NR1H4: variants seen among roughly 807,000 people sequenced by gnomAD.
The protein encoded by NR1H4 is nuclear receptor subfamily 1 group H member 4.
In NR1H4, 23 loss-of-function variants were observed where a neutral mutation model predicts 58.5. The observed-to-expected ratio is 0.39, with a 90% CI of 0.28 to 0.56. NR1H4 has a LOEUF of 0.56. Among genes scored for constraint, NR1H4 ranks in the 20% least tolerant of loss-of-function variants. The pLI is 0.58. For missense variants in NR1H4, 487 were observed against 576.9 expected (o/e 0.84, Z 1.60); for synonymous variants, 214 against 198.0 (o/e 1.08, Z -0.68).
At chr12:100,528,815 C>T (rs534510172) in intron 4 of NR1H4, among the ~76,000 whole-genome samples, 32 of 152,260 alleles carry the variant, frequency 2.1e-4, no homozygotes, top group African/African-American at 7.7e-4. Context: ...AATGGTTCTA[C>T]GCACTGTTCC....
chr12:100,542,941 C>T (rs1954971575), intron 9 of NR1H4, among the ~76,000 whole-genome samples: 1 of 151,880 alleles, frequency 6.6e-6, no homozygotes, highest in Non-Finnish European at 1.5e-5. Context: ...AGAAATCAAG[C>T]ATGTTCTTTC....
chr12:100,554,449 C>T (rs1248351015), intron 9 of NR1H4, among the ~76,000 whole-genome samples: 2 of 151,364 alleles, frequency 1.3e-5, no homozygotes, highest in African/African-American at 2.4e-5. Flanking sequence ...TTCCCAATTA[C>T]GACTAGAAAG....
intron 1 of NR1H4, among the ~76,000 whole-genome samples, chr12:100,486,316 C>T (rs1024746545): frequency 6.6e-6 from 1 of 152,166 alleles, no homozygotes; most frequent in Non-Finnish European, 1.5e-5. Context: ...GCAATGATTC[C>T]TCTCTTCTAG....
At chr12:100,532,406 T>A in intron 4 of NR1H4, 52 bp from the exon 5 acceptor site, 1 of 1,601,860 alleles carries the variant, frequency 6.2e-7, no homozygotes, top group Admixed American at 1.7e-5. Context: ...CCTGTTTTTT[T>A]CCTGAGAAGC....
Position 100,540,812 on chromosome 12 carries a change from A to C in NR1H4, c.1072A>C (p.Asn358His), listed in dbSNP as rs149287629. 425 of 1,614,124 alleles carry C rather than the reference A, an allele frequency of 2.6e-4. 2 individuals carry two copies. Among genetic ancestry groups the C allele is most frequent in the Middle Eastern group, 2.1e-3 (13 of 6,062 alleles). Residue 358 changes from asparagine (N) to histidine (H), a missense_variant, in exon 9 of 11, where the codon AAT becomes CAT. Transcript: ENST00000392986. The stretch of plus-strand genomic sequence containing the variant: ...TGACCTATTGGAAGAAAGAATTCGA[A>C]ATAGTGGTAAGTGATTTGGCTAATG... ...HSDLLEERIR[N>H]SGISDEYITP...
intron 4 of NR1H4, among the ~76,000 whole-genome samples, chr12:100,519,381 G>T (rs1954354366): frequency 6.6e-6 from 1 of 152,084 alleles, no homozygotes. Flanking sequence ...GTGGGGCTGG[G>T]TGGGGCTTGG....
chr12:100,480,624 A>C (rs1953358593), intron 1 of NR1H4, among the ~76,000 whole-genome samples: 1 of 152,036 alleles, frequency 6.6e-6, no homozygotes, highest in Admixed American at 6.6e-5. Context: ...CCCAATCCCA[A>C]AGCCCAGGCC....
At chr12:100,561,255 G>A (rs901734611) in intron 9 of NR1H4, among the ~76,000 whole-genome samples, 1 of 152,082 alleles carries the variant, frequency 6.6e-6, no homozygotes, top group Non-Finnish European at 1.5e-5. Flanking sequence ...AAAATTAGCC[G>A]GGCGCGGTGG....
chr12:100,534,049 A>G (rs994902989), intron 5 of NR1H4, among the ~76,000 whole-genome samples: 31 of 151,992 alleles, frequency 2.0e-4, no homozygotes, highest in Non-Finnish European at 3.7e-4. Flanking sequence ...GGCGCCCGCC[A>G]CTGCGCCCGG....
At chr12:100,549,900 C>A (rs1054157467) in intron 9 of NR1H4, among the ~76,000 whole-genome samples, 19 of 152,166 alleles carry the variant, frequency 1.2e-4, no homozygotes, top group African/African-American at 4.6e-4. Context: ...CGCAAGATGA[C>A]CTTTCAGACT....
intron 1 of NR1H4, among the ~76,000 whole-genome samples, chr12:100,481,642 A>G (rs1953382993): frequency 6.6e-6 from 1 of 151,996 alleles, no homozygotes; most frequent in Non-Finnish European, 1.5e-5. Flanking sequence ...GGGGCTGGGC[A>G]CGGTGGCTCA....
intron 1 of NR1H4, among the ~76,000 whole-genome samples, chr12:100,491,348 T>C (rs866654698): frequency 1.9e-4 from 29 of 151,882 alleles, no homozygotes; most frequent in Non-Finnish European, 2.5e-4. Context: ...CTGTGATATA[T>C]GGCATAGTTG....
chr12:100,532,654 G>A (rs776712672), intron 5 of NR1H4, 44 bp downstream of exon 5: 1 of 1,573,998 alleles, frequency 6.4e-7, no homozygotes, highest in Non-Finnish European at 8.7e-7. Flanking sequence ...ATCTCTTAAG[G>A]AGGCAGATGT....
intron 1 of NR1H4, among the ~76,000 whole-genome samples, chr12:100,486,822 C>G (rs1490924985): frequency 1.3e-5 from 2 of 150,444 alleles, no homozygotes; most frequent in African/African-American, 4.9e-5. Context: ...AAAAAAAAAT[C>G]CACCTTGTAC....
chr12:100,535,631 C>A (rs767642246), intron 6 of NR1H4, among the ~76,000 whole-genome samples: 99 of 152,328 alleles, frequency 6.5e-4, no homozygotes, highest in Non-Finnish European at 1.1e-3. Flanking sequence ...CCAAACCACA[C>A]CCTTCTCAAT....
At chr12:100,494,053 T>C (rs1953659657) in intron 3 of NR1H4, among the ~76,000 whole-genome samples, 1 of 152,216 alleles carries the variant, frequency 6.6e-6, no homozygotes, top group Admixed American at 6.5e-5. Flanking sequence ...AGGGAGCCTT[T>C]CTGCCAGTGT....
In NR1H4 at chr12:100,549,574, A is replaced by T. The variant is rs572275450; in HGVS notation, c.1078+8756A>T. ...ATGAGGGTCTTGCTGGTTAGAATGC[A>T]TATAATCAAAAAGAAAAAAATCTTC... On this transcript the variant is annotated intron_variant, in intron 9 of 10. Coordinates refer to ENST00000392986, the MANE Select transcript of NR1H4 (RefSeq NM_001206979.2). Among the ~76,000 whole-genome samples the T allele has an allele frequency of 3.3e-5, 5 of 152,316 alleles. 1 individual carries two copies. Among genetic ancestry groups the T allele is most frequent in the African/African-American group, 1.2e-4 (5 of 41,576 alleles).
At position 100,545,671 on chromosome 12, in the gene NR1H4, C is replaced by CAAAAAAA. The variant is rs1491301660; in HGVS notation, c.1078+4856_1078+4857insAAAAAAA. Among the ~76,000 whole-genome samples the CAAAAAAA allele has an allele frequency of 1.3e-3, 70 of 53,298 alleles. 3 individuals are homozygous for CAAAAAAA. The highest frequency in any genetic ancestry group is 5.8e-3 in the African/African-American group (64 of 11,118). 35.0% of individuals were successfully genotyped at this position (53,298 alleles called of 152,430 possible). On this transcript the variant is annotated intron_variant, in intron 9 of 10. Transcript: ENST00000392986. ...AAAAAAAAAAAAAAAAAAAAAAAAC[C>CAAAAAAA]AAACGGGGGGCATATATGCGTAATG...
chr12:100,490,338 C>T (rs187077528), intron 1 of NR1H4, among the ~76,000 whole-genome samples: 4,643 of 152,046 alleles, frequency 0.031, 147 homozygotes, highest in East Asian at 0.14. Context: ...GAACATGGCT[C>T]AAGGTTAAAA....
Sources: allele counts gnomAD v4.1 joint callset (sites outside exome capture counted in the v4.1 genomes callset), GRCh38; gene constraint gnomAD v4.1.1; transcripts MANE v1.5; gene names NCBI Gene and HGNC (gene_info 2026-07-23, HGNC 2026-07-21).